Variants in AKNA observed in about 807,000 individuals in gnomAD.
The protein encoded by AKNA is AT-hook transcription factor, also known as microtubule organization protein AKNA.
AKNA carries 67 observed loss-of-function variants against 138.8 expected under a neutral mutation model. That is an observed-to-expected ratio of 0.48 (90% CI 0.40 to 0.59). The LOEUF is 0.59. Ranked by LOEUF, AKNA falls within the 20% of genes least tolerant of loss-of-function variation. AKNA has a pLI of 0.00. For missense variants in AKNA, 1,813 were observed against 1,880.4 expected (o/e 0.96, Z 0.66); for synonymous variants, 737 against 754.4 (o/e 0.98, Z 0.38).
chr9:114,368,152 G>A (rs1257206804), intron 5 of AKNA: 2 of 346,178 alleles, frequency 5.8e-6, no homozygotes, highest in Non-Finnish European at 1.0e-5. Flanking sequence ...ACAGGGCCTG[G>A]CTGAGATATG....
chr9:114,396,488 G>A (rs1381500058), upstream of AKNA, among the ~76,000 whole-genome samples: 2 of 152,038 alleles, frequency 1.3e-5, no homozygotes, highest in East Asian at 3.9e-4. Flanking sequence ...AGACCATCCC[G>A]GCCAACATGG....
At chr9:114,350,585 A>T (rs1438168998) in intron 15 of AKNA, among the ~76,000 whole-genome samples, 1 of 152,222 alleles carries the variant, frequency 6.6e-6, no homozygotes, top group Non-Finnish European at 1.5e-5. Context: ...CTCGGAAAAG[A>T]GATGATGGAG....
rs768646955 is a variant in AKNA at position 114,342,073 on chromosome 9, C to A, written c.3810G>T (p.Gln1270His). ...PLGPPPADTL[Q>H]CPLCGQVGSP... ...ACCCAACTTGACCACACAGGGGACA[C>A]TGAAGGGTATCAGCGGGAGGCGGTC... The change falls in exon 20 of 22, where the codon CAG becomes CAT. Residue 1270 changes from glutamine to histidine, a missense_variant. Coordinates refer to ENST00000374088, the MANE Select transcript of AKNA (RefSeq NM_001317950.2). 3.1e-6 allele frequency: 5 copies of A among 1,613,310 alleles called. No homozygotes were observed. Among genetic ancestry groups the A allele is most frequent in the Non-Finnish European group, 4.2e-6 (5 of 1,179,668 alleles).
At position 114,351,959 on chromosome 9, in the gene AKNA, G is replaced by A. The variant is rs186010551; in HGVS notation, c.3059-938C>T. ...ATAAATCTCCAGAGAATTATGCTGA[G>A]TGAAAAGCCAATCCCAAAAGGTTAC... On this transcript the variant is annotated intron_variant, in intron 14 of 21. Coordinates refer to ENST00000374088, the MANE Select transcript of AKNA (RefSeq NM_001317950.2). Among the ~76,000 whole-genome samples the A allele has an allele frequency of 2.6e-5, 4 of 152,294 alleles. No individual in the cohort carries two copies. In the East Asian group the frequency reaches 7.7e-4, roughly 29 times the overall value.
rs1398055664 is a variant in AKNA, at chr9:114,334,977, TG to T, written c.*2076del. 1 of 152,222 alleles carries T rather than the reference TG, an allele frequency of 6.6e-6. No homozygotes were observed. Among genetic ancestry groups the T allele is most frequent in the Non-Finnish European group, 1.5e-5 (1 of 68,056 alleles). 9.4% of individuals were successfully genotyped at this position (152,222 alleles called of 1,614,324 possible). On this transcript the variant is annotated 3_prime_UTR_variant, in exon 22 of 22. Transcript: ENST00000374088. ...GAAGGCAAGTGGACAGGACAGCCTC[TG>T]GGGTCCCACAATGTCCTGGAACTGA...
chr9:114,397,044 G>A (rs920852889), upstream of AKNA, among the ~76,000 whole-genome samples: 19 of 152,220 alleles, frequency 1.2e-4, no homozygotes, highest in Admixed American at 3.3e-4. Flanking sequence ...AGAGTCTGCA[G>A]GACGGTGGGA....
chr9:114,359,749 C>T lies in AKNA; in HGVS notation c.2337G>A (p.Glu779=), dbSNP rs1424513916. The T allele has an allele frequency of 6.2e-7, 1 of 1,602,200 alleles. No individual in the cohort carries two copies. ...CCTCCTCCTCCTCTCCTTCTTCCTC[C>T]TCCTCCATTCTCATGGCTTCTGGGA... The part of the protein sequence containing the change: ...KSLPEAMRME[E]EEEGEEEEEE... Residue 779 remains glutamate (E), a synonymous_variant, in exon 11 of 22, where the codon GAG becomes GAA. Coordinates refer to ENST00000374088, the MANE Select transcript of AKNA (RefSeq NM_001317950.2).
intron 1 of AKNA, chr9:114,383,252 C>T (rs1016956859): frequency 6.6e-6 from 3 of 455,254 alleles, no homozygotes; most frequent in African/African-American, 2.0e-5. Context: ...AGGGCTCCTC[C>T]GCTGCCTTCC....
Position 114,376,871 on chromosome 9 carries a change from A to G in AKNA, c.936T>C (p.Ile312=), listed in dbSNP as rs1266718438. Residue 312 remains isoleucine (I), a synonymous_variant, in exon 3 of 22, where the codon ATT becomes ATC. Coordinates refer to ENST00000374088, the MANE Select transcript of AKNA (RefSeq NM_001317950.2). ...GGGGATTCAGGGGGCTGATGGAGCC[A>G]ATGAATCGGGAAGGGAGTGGCTTAG... ...TSPKPLPSRF[I]GSISPLNPQP... 2 of 1,614,144 alleles carry G rather than the reference A, an allele frequency of 1.2e-6. No homozygotes were observed. The highest frequency in any genetic ancestry group is 4.5e-5 in the East Asian group (2 of 44,866).
chr9:114,340,361 T>C (rs948857606), intron 21 of AKNA, among the ~76,000 whole-genome samples: 1 of 152,230 alleles, frequency 6.6e-6, no homozygotes, highest in Non-Finnish European at 1.5e-5. Flanking sequence ...ACAGGTTTCC[T>C]ACTTCTGGGG....
chr9:114,356,968 TC>T lies in AKNA; in HGVS notation c.2740del (p.Glu914ArgfsTer41). On this transcript the variant is annotated frameshift_variant and splice_region_variant, in exon 13 of 22. Transcript: ENST00000374088. LOFTEE classifies it high-confidence loss of function. ...TGTCTCTGGGGACGCCATCCAGGTC[TC>T]CTGAAAGAGGCAGTATCCCTTTATG... ...LHRGGGPHLE[E>X]TWMASPETDS... 1 of 1,580,564 alleles carries T rather than the reference TC, an allele frequency of 6.3e-7. No individual in the cohort carries two copies. The highest frequency in any genetic ancestry group is 8.6e-7 in the Non-Finnish European group (1 of 1,166,818).
At chr9:114,357,746 G>A (rs567399524) in intron 12 of AKNA, among the ~76,000 whole-genome samples, 175 bp downstream of exon 12, 1 of 152,168 alleles carries the variant, frequency 6.6e-6, no homozygotes. Context: ...GGACAGGTTT[G>A]GGGGGTGACA....
At chr9:114,341,895 G>T in intron 20 of AKNA, 114 bp downstream of exon 20, 6 of 1,311,932 alleles carry the variant, frequency 4.6e-6, no homozygotes, top group South Asian at 1.2e-5. Context: ...TGCCCCAGTT[G>T]CTCTGTCCCA....
chr9:114,357,698 T>C (rs920865531), intron 12 of AKNA, among the ~76,000 whole-genome samples: 6 of 152,146 alleles, frequency 3.9e-5, no homozygotes, highest in Non-Finnish European at 8.8e-5. Context: ...AGCAATGGGT[T>C]GCAAGCTCTC....
At chr9:114,375,529 G>C (rs1833105569) in intron 3 of AKNA, among the ~76,000 whole-genome samples, 1 of 152,156 alleles carries the variant, frequency 6.6e-6, no homozygotes, top group African/African-American at 2.4e-5. Flanking sequence ...TCATATTTAA[G>C]GACCTGGTGT....
chr9:114,343,617 C>T, intron 19 of AKNA, 91 bp downstream of exon 19: 7 of 1,347,266 alleles, frequency 5.2e-6, no homozygotes, highest in Non-Finnish European at 6.4e-6. Flanking sequence ...AAGTTCAGGG[C>T]AGGCCAGATC....
upstream of AKNA, among the ~76,000 whole-genome samples, chr9:114,396,500 G>A (rs752934203): frequency 2.0e-5 from 3 of 152,052 alleles, no homozygotes; most frequent in Non-Finnish European, 4.4e-5. Context: ...CCAACATGGT[G>A]AAACCCCATC....
At chr9:114,367,997 G>A (rs1179841183) in intron 5 of AKNA, among the ~76,000 whole-genome samples, 1 of 152,232 alleles carries the variant, frequency 6.6e-6, no homozygotes, top group African/African-American at 2.4e-5. Context: ...TTCCAATCCA[G>A]ACACTTCCCC....
intron 3 of AKNA, among the ~76,000 whole-genome samples, chr9:114,375,003 A>T (rs1282240712): frequency 1.3e-5 from 2 of 152,240 alleles, no homozygotes; most frequent in African/African-American, 2.4e-5. Context: ...AGACTAGCCC[A>T]AGACAATGAC....
Sources: gnomAD v4.1 joint callset for allele counts (sites outside exome capture counted in the v4.1 genomes callset) on GRCh38, gnomAD v4.1.1 for gene constraint, MANE v1.5 for transcripts, NCBI Gene and HGNC (gene_info 2026-07-23, HGNC 2026-07-21) for gene names.